Variants in IL1RAPL2 observed in about 807,000 individuals in gnomAD.
The protein encoded by IL1RAPL2 is X-linked interleukin-1 receptor accessory protein-like 2.
A neutral mutation model predicts 44.1 loss-of-function variants in IL1RAPL2; 3 were observed. The ratio of observed to expected loss-of-function variants is 0.07; its 90% confidence interval spans 0.03 to 0.18. The LOEUF is 0.18. Ranked by LOEUF, IL1RAPL2 falls within the 10% of genes least tolerant of loss-of-function variation. IL1RAPL2 has a pLI of 1.00. For synonymous variants in IL1RAPL2, 181 were observed against 178.8 expected, an observed-to-expected ratio of 1.01 and a Z score of -0.10; for missense variants, 391 against 496.4, an observed-to-expected ratio of 0.79 and a Z score of 2.02.
Position 104,865,048 on chromosome X carries a change from C to A in IL1RAPL2, c.82+206053C>A, listed in dbSNP as rs774190614. Among the ~76,000 whole-genome samples the A allele has an allele frequency of 3.7e-5, 4 of 108,915 alleles. No individual in the cohort carries two copies. The East Asian group carries it at 8.5e-4, about 23-fold the overall frequency. 94.6% of individuals were successfully genotyped at this position (108,915 alleles called of 115,157 possible). On this transcript the variant is annotated intron_variant, in intron 2 of 10. Transcript: ENST00000372582. ...GCATAATTGGCATAGACATACTTAG[C>A]AGCTTAAGACATACTTACCCCCACA...
At chrX:104,659,050 AC>A in intron 2 of IL1RAPL2, 55 bp downstream of exon 2, 1 of 835,532 alleles carries the variant, frequency 1.2e-6, no homozygotes, top group Non-Finnish European at 1.8e-6. Context: ...TTTTGTGAGC[AC>A]CCAGAGGGCA....
chrX:105,444,627 AT>A (rs2035942885), intron 5 of IL1RAPL2, among the ~76,000 whole-genome samples: 2 of 111,111 alleles, frequency 1.8e-5, no homozygotes. Context: ...GTAAAATAAT[AT>A]TGTTTTATTT....
At chrX:104,635,560 C>G (rs1929779527) in intron 1 of IL1RAPL2, among the ~76,000 whole-genome samples, 2 of 111,632 alleles carry the variant, frequency 1.8e-5, no homozygotes, top group South Asian at 7.5e-4. Context: ...TCTTTTTTCT[C>G]TAAACTTCTC....
At chrX:105,726,372 T>C (rs1355523704) in intron 7 of IL1RAPL2, among the ~76,000 whole-genome samples, 1 of 111,416 alleles carries the variant, frequency 9.0e-6, no homozygotes, top group Non-Finnish European at 1.9e-5. Flanking sequence ...ACTGAATTCA[T>C]CAAAGCTAGC....
At chrX:105,036,325 G>T (rs1358715819) in intron 2 of IL1RAPL2, among the ~76,000 whole-genome samples, 2 of 111,499 alleles carry the variant, frequency 1.8e-5, no homozygotes, top group Non-Finnish European at 3.8e-5. Flanking sequence ...ATTTAATCAA[G>T]ATCATACAGC....
At chrX:104,683,255 G>A (rs1331314717) in intron 2 of IL1RAPL2, among the ~76,000 whole-genome samples, 1 of 111,849 alleles carries the variant, frequency 8.9e-6, no homozygotes, top group Non-Finnish European at 1.9e-5. Flanking sequence ...ATCAAGTGCT[G>A]GATGAAGATT....
At chrX:105,608,721 G>T (rs751912191) in intron 6 of IL1RAPL2, among the ~76,000 whole-genome samples, 1 of 111,969 alleles carries the variant, frequency 8.9e-6, no homozygotes, top group Admixed American at 9.5e-5. Context: ...GATATCTGTT[G>T]TTTCCCACTT....
At chrX:105,107,818 T>G (rs1231927107) in intron 2 of IL1RAPL2, among the ~76,000 whole-genome samples, 1 of 111,883 alleles carries the variant, frequency 8.9e-6, no homozygotes, top group Non-Finnish European at 1.9e-5. Flanking sequence ...ACCAATGACT[T>G]TATTGTCAAT....
intron 5 of IL1RAPL2, among the ~76,000 whole-genome samples, chrX:105,374,609 G>A (rs375113155): frequency 6.3e-4 from 70 of 110,982 alleles, no homozygotes; most frequent in African/African-American, 2.2e-3. Context: ...AATTGTCAAT[G>A]AGATTGTATT....
intron 2 of IL1RAPL2, among the ~76,000 whole-genome samples, chrX:105,032,438 G>A (rs759644583): frequency 1.9e-4 from 21 of 109,770 alleles, no homozygotes; most frequent in South Asian, 1.2e-3. Flanking sequence ...CTTTGTTCTC[G>A]TTGGTTTCAA....
chrX:105,227,404 T>TA (rs1439634650), intron 3 of IL1RAPL2, among the ~76,000 whole-genome samples: 1 of 111,610 alleles, frequency 9.0e-6, no homozygotes, highest in African/African-American at 3.3e-5. Context: ...TGTTTTATTT[T>TA]AAAAAAACAA....
chrX:105,511,764 A>ACTAT (rs754991255), intron 6 of IL1RAPL2, among the ~76,000 whole-genome samples: 1 of 111,987 alleles, frequency 8.9e-6, no homozygotes, highest in African/African-American at 3.2e-5. Context: ...TGAGCAGGAG[A>ACTAT]CTATCTCTCC....
chrX:104,824,868 A>G (rs1921408235), intron 2 of IL1RAPL2, among the ~76,000 whole-genome samples: 1 of 111,114 alleles, frequency 9.0e-6, no homozygotes, highest in Admixed American at 9.6e-5. Context: ...AGGGTTTTTC[A>G]TATCTCTACC....
chrX:105,631,233 T>A (rs1483806752), intron 6 of IL1RAPL2, among the ~76,000 whole-genome samples: 7 of 111,615 alleles, frequency 6.3e-5, no homozygotes, highest in African/African-American at 2.3e-4. Context: ...ACATTATAAG[T>A]TAGGGAACGT....
At chrX:104,654,771 C>A (rs1315405529) in intron 1 of IL1RAPL2, among the ~76,000 whole-genome samples, 1 of 111,081 alleles carries the variant, frequency 9.0e-6, no homozygotes, top group African/African-American at 3.3e-5. Flanking sequence ...GGCAGTATGG[C>A]CATTTTCACG....
chrX:104,906,327 A>T (rs1409038071), intron 2 of IL1RAPL2, among the ~76,000 whole-genome samples: 1 of 110,223 alleles, frequency 9.1e-6, no homozygotes, highest in African/African-American at 3.3e-5. Flanking sequence ...CCTGGCCAGA[A>T]CTTCCAACAC....
chrX:104,923,246 T>A lies in IL1RAPL2; in HGVS notation c.82+264251T>A, dbSNP rs761761750. 1.7e-4 allele frequency among the ~76,000 whole-genome samples: 19 copies of A among 112,266 alleles called. No homozygotes were observed. The South Asian group carries it at 6.2e-3, about 37-fold the overall frequency. ...TTGGAAAACGTATTTTAGGGAATAA[T>A]TCAGGAAAAATTCCCTGATCTTCCT... On this transcript the variant is annotated intron_variant, in intron 2 of 10. Transcript: ENST00000372582.
intron 6 of IL1RAPL2, among the ~76,000 whole-genome samples, chrX:105,608,397 A>G (rs923136770): frequency 1.8e-5 from 2 of 111,997 alleles, no homozygotes; most frequent in African/African-American, 6.5e-5. Context: ...CCTTTAGTTT[A>G]AAAGGCAGCT....
At chrX:105,036,228 G>C (rs886410630) in intron 2 of IL1RAPL2, among the ~76,000 whole-genome samples, 2 of 111,890 alleles carry the variant, frequency 1.8e-5, no homozygotes, top group Non-Finnish European at 3.8e-5. Flanking sequence ...ACAGACCCCT[G>C]AAACACCCTG....
Sources: allele counts gnomAD v4.1 joint callset (sites outside exome capture counted in the v4.1 genomes callset), GRCh38; gene constraint gnomAD v4.1.1; transcripts MANE v1.5; gene names NCBI Gene and HGNC (gene_info 2026-07-23, HGNC 2026-07-21).